Variants in CEP112 observed in about 807,000 individuals in gnomAD.
The protein encoded by CEP112 is centrosomal protein 112.
CEP112 carries 127 observed loss-of-function variants against 153.0 expected under a neutral mutation model. The observed-to-expected ratio is 0.83, with a 90% CI of 0.72 to 0.96. CEP112 has a LOEUF of 0.96. Among genes scored for constraint, CEP112 ranks in the 40% least tolerant of loss-of-function variants. The probability of loss-of-function intolerance (pLI) is 0.00; values close to 1 mark genes in which losing one functional copy is unlikely to be tolerated. For synonymous variants in CEP112, 358 were observed against 374.4 expected, an observed-to-expected ratio of 0.96 and a Z score of 0.51; for missense variants, 1,089 against 1,101.2, an observed-to-expected ratio of 0.99 and a Z score of 0.16.
intron 23 of CEP112, among the ~76,000 whole-genome samples, chr17:65,714,333 C>T (rs956878270): frequency 1.3e-5 from 2 of 152,082 alleles, no homozygotes; most frequent in Admixed American, 1.3e-4. Flanking sequence ...TTATTCTGGG[C>T]TGTGATAACC....
At chr17:66,170,603 A>G (rs1408158580) in intron 4 of CEP112, among the ~76,000 whole-genome samples, 2 of 152,080 alleles carry the variant, frequency 1.3e-5, no homozygotes, top group Non-Finnish European at 2.9e-5. Flanking sequence ...TGTCTCTACC[A>G]AACACAAAAA....
At chr17:65,927,156 T>C (rs1245775765) in intron 19 of CEP112, among the ~76,000 whole-genome samples, 1 of 152,128 alleles carries the variant, frequency 6.6e-6, no homozygotes, top group East Asian at 1.9e-4. Context: ...TCTCTCTCTC[T>C]CTCTCTCACT....
At chr17:65,883,263 CATAT>C (rs34264279) in intron 20 of CEP112, among the ~76,000 whole-genome samples, 1 of 146,868 alleles carries the variant, frequency 6.8e-6, no homozygotes, top group Non-Finnish European at 1.5e-5. Flanking sequence ...AAGAAGTTTA[CATAT>C]ATATATATAT....
intron 24 of CEP112, among the ~76,000 whole-genome samples, chr17:65,650,787 G>A (rs953117409): frequency 4.7e-5 from 7 of 148,664 alleles, no homozygotes; most frequent in Non-Finnish European, 1.0e-4. Flanking sequence ...AGTGCCTGTA[G>A]TCCCAGCTAC....
intron 21 of CEP112, among the ~76,000 whole-genome samples, chr17:65,782,075 A>C (rs973993124): frequency 1.3e-5 from 2 of 152,208 alleles, no homozygotes; most frequent in Non-Finnish European, 2.9e-5. Context: ...GACACACTAC[A>C]GAATAGGAGA....
intron 6 of CEP112, among the ~76,000 whole-genome samples, chr17:66,114,951 T>C (rs895437908): frequency 1.3e-5 from 2 of 152,058 alleles, no homozygotes; most frequent in Non-Finnish European, 2.9e-5. Context: ...ATGCCTGTCA[T>C]CCCAACACTT....
intron 6 of CEP112, among the ~76,000 whole-genome samples, chr17:66,116,298 T>C (rs1285201567): frequency 2.0e-5 from 3 of 152,188 alleles, no homozygotes; most frequent in Admixed American, 6.5e-5. Flanking sequence ...CTAGATCACA[T>C]TGAAGACACC....
At chr17:66,105,605 G>A (rs1231828669) in intron 6 of CEP112, among the ~76,000 whole-genome samples, 1 of 152,076 alleles carries the variant, frequency 6.6e-6, no homozygotes, top group African/African-American at 2.4e-5. Context: ...ACCAGCTTGG[G>A]TAACATTGTA....
intron 21 of CEP112, among the ~76,000 whole-genome samples, chr17:65,773,990 G>A (rs1040430219): frequency 2.0e-5 from 3 of 151,840 alleles, no homozygotes; most frequent in East Asian, 1.9e-4. Context: ...GGGAGCCTGA[G>A]GCAGGAGAAT....
intron 21 of CEP112, among the ~76,000 whole-genome samples, chr17:65,753,469 G>C (rs2145288717): frequency 6.6e-6 from 1 of 152,096 alleles, no homozygotes; most frequent in Middle Eastern, 3.4e-3. Context: ...AAATCTCTTT[G>C]TATCTATAAT....
At chr17:65,981,723 C>T (rs1005993489) in intron 17 of CEP112, among the ~76,000 whole-genome samples, 3 of 152,066 alleles carry the variant, frequency 2.0e-5, no homozygotes, top group South Asian at 4.1e-4. Flanking sequence ...TACAGGCATG[C>T]GCCACCATGC....
intron 19 of CEP112, among the ~76,000 whole-genome samples, chr17:65,925,154 T>A (rs976906569): frequency 1.3e-5 from 2 of 152,180 alleles, no homozygotes; most frequent in African/African-American, 4.8e-5. Context: ...CGTACTATAC[T>A]CATGGTAGTA....
Position 66,129,234 on chromosome 17 carries a change from C to T in CEP112, c.642+512G>A, listed in dbSNP as rs531166143. ...AATTCCAAACACCCAATCACGACAG[C>T]TCACTTACCCCACTACATCTTTCTT... On this transcript the variant is annotated intron_variant, in intron 6 of 26. Transcript: ENST00000535342. Among the ~76,000 whole-genome samples the T allele has an allele frequency of 5.3e-5, 8 of 152,300 alleles. No individual in the cohort carries two copies. In the East Asian group the frequency reaches 1.5e-3, roughly 29 times the overall value.
At chr17:65,653,934 C>T (rs2045921520) in intron 24 of CEP112, among the ~76,000 whole-genome samples, 1 of 151,494 alleles carries the variant, frequency 6.6e-6, no homozygotes, top group Non-Finnish European at 1.5e-5. Flanking sequence ...TGGTGCGCAC[C>T]TGTAGTCCCA....
At chr17:65,786,572 C>CTTTTTTT (rs1195368604) in intron 21 of CEP112, among the ~76,000 whole-genome samples, 85 of 101,566 alleles carry the variant, frequency 8.4e-4, no homozygotes, top group Non-Finnish European at 1.0e-3. Flanking sequence ...TTAGCCAATT[C>CTTTTTTT]TTTTTTTTTT....
chr17:66,133,639 A>G (rs2070301828), intron 4 of CEP112, among the ~76,000 whole-genome samples: 2 of 152,180 alleles, frequency 1.3e-5, no homozygotes, highest in African/African-American at 4.8e-5. Flanking sequence ...AACCACTTCA[A>G]TGCAAGTCCC....
intron 4 of CEP112, among the ~76,000 whole-genome samples, chr17:66,149,655 G>C (rs1311991326): frequency 6.6e-6 from 1 of 151,658 alleles, no homozygotes; most frequent in African/African-American, 2.4e-5. Flanking sequence ...TTTTCTTTGT[G>C]TTAAATTTCT....
At chr17:65,929,638 T>C (rs1420792) in intron 18 of CEP112, among the ~76,000 whole-genome samples, 62,835 of 150,894 alleles carry the variant, frequency 0.42, 14,387 homozygotes, top group East Asian at 0.87. Context: ...TTAGGGCTGT[T>C]TGTAATGTCT....
At chr17:65,936,868 C>G (rs551509391) in intron 18 of CEP112, among the ~76,000 whole-genome samples, 31 of 148,296 alleles carry the variant, frequency 2.1e-4, no homozygotes, top group South Asian at 4.6e-4. Flanking sequence ...GATGCCGAGC[C>G]GAAGCTGTAC....
Sources: allele counts gnomAD v4.1 joint callset (sites outside exome capture counted in the v4.1 genomes callset), GRCh38; gene constraint gnomAD v4.1.1; transcripts MANE v1.5; gene names NCBI Gene and HGNC (gene_info 2026-07-23, HGNC 2026-07-21).